The following ANK1 variants were observed in gnomAD, a reference collection of about 807,000 sequenced individuals.
ANK1 encodes ankyrin 1.
A neutral mutation model predicts 210.4 loss-of-function variants in ANK1; 51 were observed. The observed-to-expected ratio is 0.24, with a 90% confidence interval of 0.19 to 0.31. The LOEUF is 0.31. ANK1 is among the 10% of genes least tolerant of loss of function. The probability of loss-of-function intolerance (pLI) is 1.00; values close to 1 mark genes in which losing one functional copy is unlikely to be tolerated. For missense variants in ANK1, 2,051 were observed against 2,504.4 expected (o/e 0.82, Z 3.86); for synonymous variants, 967 against 1,025.9 (o/e 0.94, Z 1.10).
intron 1 of ANK1, among the ~76,000 whole-genome samples, chr8:41,889,853 T>C (rs1819093385): frequency 6.6e-6 from 1 of 152,238 alleles, no homozygotes; most frequent in Non-Finnish European, 1.5e-5. Context: ...TGCAAGTATC[T>C]AAGCCCACCT....
intron 1 of ANK1, among the ~76,000 whole-genome samples, chr8:41,842,903 G>A (rs1257647901): frequency 1.3e-5 from 2 of 152,276 alleles, no homozygotes; most frequent in African/African-American, 4.8e-5. Flanking sequence ...CTGGAGTACA[G>A]TGGCATGATC....
intron 4 of ANK1, among the ~76,000 whole-genome samples, chr8:41,727,606 C>T (rs904262607): frequency 3.3e-5 from 5 of 152,232 alleles, no homozygotes; most frequent in African/African-American, 1.2e-4. Context: ...ATCAATGCTG[C>T]ACTGCACACC....
At chr8:41,866,386 G>A (rs970742788) in intron 1 of ANK1, among the ~76,000 whole-genome samples, 1 of 152,158 alleles carries the variant, frequency 6.6e-6, no homozygotes, top group Non-Finnish European at 1.5e-5. Context: ...TAGAGACAGG[G>A]TCCCACTGTG....
chr8:41,686,458 T>G (rs921301786), intron 35 of ANK1, among the ~76,000 whole-genome samples, 175 bp from the exon 36 acceptor site: 5 of 152,300 alleles, frequency 3.3e-5, no homozygotes, highest in South Asian at 4.1e-4. Flanking sequence ...AAATTCCTTA[T>G]GAAATGCCAG....
At position 41,698,061 on chromosome 8, in the gene ANK1, C is replaced by A; in HGVS notation, c.2619G>T (p.Arg873Ser). The stretch of plus-strand genomic sequence containing the variant: ...TTCTCACCTGCTCCTGCTCTTCTGA[C>A]CTGATCACCACTGTCTCAGGCATGG... ...PCAMPETVVI[R>S]SEEQEQASKE... Residue 873 changes from arginine (R) to serine (S), a missense_variant, in exon 24 of 43, where the codon AGG becomes AGT. Coordinates refer to ENST00000289734, the MANE Select transcript of ANK1 (RefSeq NM_000037.4). 1 of 1,614,146 alleles carries A rather than the reference C, an allele frequency of 6.2e-7. No homozygotes were observed. Among genetic ancestry groups the A allele is most frequent in the Non-Finnish European group, 8.5e-7 (1 of 1,180,026 alleles).
At chr8:41,727,756 C>A in intron 4 of ANK1, 152 bp downstream of exon 4, 1 of 742,798 alleles carries the variant, frequency 1.3e-6, no homozygotes, top group East Asian at 2.7e-5. Flanking sequence ...ACACCTTCAC[C>A]ACTGCTCAGA....
intron 9 of ANK1, among the ~76,000 whole-genome samples, chr8:41,721,656 CAAAAAAAAAAAA>C (rs55653901): frequency 0.29 from 30,929 of 108,086 alleles, 3,737 homozygotes; most frequent in Middle Eastern, 0.42. Context: ...GACTTCATCT[CAAAAAAAAAAAA>C]AAAAAAAAAA....
chr8:41,688,010 C>G (rs1222959861), intron 35 of ANK1, 146 bp downstream of exon 35: 30 of 979,850 alleles, frequency 3.1e-5, no homozygotes, highest in Admixed American at 9.7e-5. Flanking sequence ...GTGGCTTGGG[C>G]AGCAGACCCA....
At chr8:41,748,545 C>CA (rs1836752129) in intron 2 of ANK1, among the ~76,000 whole-genome samples, 1 of 152,214 alleles carries the variant, frequency 6.6e-6, no homozygotes, top group Non-Finnish European at 1.5e-5. Context: ...CCAGCCTTTG[C>CA]AGTCTGTTCC....
At chr8:41,766,055 T>A (rs1473205033) in intron 1 of ANK1, among the ~76,000 whole-genome samples, 2 of 152,188 alleles carry the variant, frequency 1.3e-5, no homozygotes, top group African/African-American at 4.8e-5. Context: ...TGAGCTAATA[T>A]CAATTGCTGT....
chr8:41,653,324 C>G lies in ANK1; in HGVS notation c.*2466G>C, dbSNP rs1024616043. On this transcript the variant is annotated 3_prime_UTR_variant, in exon 43 of 43. Transcript: ENST00000289734. ...TAGGGTAGGGGATTCTCTCCCATAA[C>G]AGAGCATGTGGGAGAGTCAAGAAAA... 2.6e-5 allele frequency: 4 copies of G among 152,630 alleles called. No individual in the cohort carries two copies. The highest frequency in any genetic ancestry group is 4.8e-5 in the African/African-American group (2 of 41,434). The allele number at this position is 152,630 out of a possible 1,614,324, so 9.5% of individuals were successfully genotyped here.
In ANK1 at chr8:41,855,072, T is replaced by C. The variant is rs539585975; in HGVS notation, c.126+41283A>G. On this transcript the variant is annotated intron_variant, in intron 1 of 42. Coordinates refer to the ANK1 transcript ENST00000265709. Reference sequence around the variant, plus strand: ...ATATAAACATTGATAAGCATTGCTCTAGTATGCAGAGCTCAGAGACTATGT... The same window carrying C: ...ATATAAACATTGATAAGCATTGCTCCAGTATGCAGAGCTCAGAGACTATGT... Among the ~76,000 whole-genome samples the C allele has an allele frequency of 5.9e-5, 9 of 152,352 alleles. No homozygotes were observed. The South Asian group carries it at 1.9e-3, about 32-fold the overall frequency.
At chr8:41,859,312 GT>G (rs1340682222) in intron 1 of ANK1, among the ~76,000 whole-genome samples, 1 of 152,130 alleles carries the variant, frequency 6.6e-6, no homozygotes, top group African/African-American at 2.4e-5. Context: ...AATCCATATT[GT>G]TTTAGTTATT....
At chr8:41,782,306 G>A (rs1310686029) in intron 1 of ANK1, among the ~76,000 whole-genome samples, 1 of 152,218 alleles carries the variant, frequency 6.6e-6, no homozygotes, top group Non-Finnish European at 1.5e-5. Context: ...TTGCTGCAAA[G>A]GAGCCCACCG....
chr8:41,822,127 AGAAAGAGAAAG>A, intron 1 of ANK1, among the ~76,000 whole-genome samples: 1 of 33,248 alleles, frequency 3.0e-5, no homozygotes, highest in East Asian at 4.4e-4. Flanking sequence ...AGAAAGAGAA[AGAAAGAGAAAG>A]AAAGAAAGAA....
At chr8:41,867,810 C>T (rs913985970) in intron 1 of ANK1, among the ~76,000 whole-genome samples, 2 of 152,186 alleles carry the variant, frequency 1.3e-5, no homozygotes, top group South Asian at 4.1e-4. Flanking sequence ...GGCACACAGT[C>T]AAAGCTCTGC....
intron 1 of ANK1, among the ~76,000 whole-genome samples, chr8:41,838,665 C>T (rs1422229812): frequency 1.3e-5 from 2 of 151,736 alleles, no homozygotes; most frequent in Non-Finnish European, 2.9e-5. Context: ...ACTCAGGAGG[C>T]TGGGCAGGAG....
rs185925063 is a variant in ANK1, at chr8:41,870,381, A to G, written c.126+25974T>C. 5.9e-5 allele frequency among the ~76,000 whole-genome samples: 9 copies of G among 152,278 alleles called. No homozygotes were observed. In the East Asian group the frequency reaches 1.7e-3, roughly 29 times the overall value. Reference sequence around the variant, plus strand: ...CCTTCTCCATCATTCACTCGTGTTCATTCATTCAGACGACATGCTCTGAGC... The same window carrying G: ...CCTTCTCCATCATTCACTCGTGTTCGTTCATTCAGACGACATGCTCTGAGC... On this transcript the variant is annotated intron_variant, in intron 1 of 42. Coordinates refer to the ANK1 transcript ENST00000265709.
chr8:41,890,530 G>A (rs1239142351), intron 1 of ANK1, among the ~76,000 whole-genome samples: 1 of 152,124 alleles, frequency 6.6e-6, no homozygotes, highest in Non-Finnish European at 1.5e-5. Flanking sequence ...CCAACATGGT[G>A]AAATGCCGTC....
Sources: allele counts gnomAD v4.1 joint callset (sites outside exome capture counted in the v4.1 genomes callset), GRCh38; gene constraint gnomAD v4.1.1; transcripts MANE v1.5; gene names NCBI Gene and HGNC (gene_info 2026-07-23, HGNC 2026-07-21).